CDC6: variants seen among roughly 807,000 people sequenced by gnomAD.
CDC6 encodes DNA replication factor CDC6.
CDC6 carries 46 observed loss-of-function variants against 60.2 expected under a neutral mutation model. The ratio of observed to expected loss-of-function variants is 0.76; its 90% confidence interval spans 0.60 to 0.98. The LOEUF (loss-of-function observed/expected upper bound fraction) is 0.98. CDC6 is among the 50% of genes least tolerant of loss of function. CDC6 has a pLI of 0.00. For missense variants in CDC6, 596 were observed against 652.9 expected, an observed-to-expected ratio of 0.91 and a Z score of 0.95; for synonymous variants, 210 against 233.2, an observed-to-expected ratio of 0.90 and a Z score of 0.90.
rs67162965 is a variant in CDC6, at chr17:40,299,138, CTT to C, written c.1250-1663_1250-1662del. Reference sequence around the variant, plus strand: ...CATCTCCAAACGATAAGGCCATAGTCTTTTTTTTTTTTTTTTTTTTTTTTTTT... The same window carrying C: ...CATCTCCAAACGATAAGGCCATAGTCTTTTTTTTTTTTTTTTTTTTTTTTT... On this transcript the variant is annotated intron_variant, in intron 9 of 11. Transcript: ENST00000209728. Among the ~76,000 whole-genome samples, 130 of 60,752 alleles carry C rather than the reference CTT, an allele frequency of 2.1e-3. 1 individual carries two copies. Among genetic ancestry groups the C allele is most frequent in the African/African-American group, 8.6e-3 (111 of 12,976 alleles). The allele number at this position is 60,752 out of a possible 152,430, so 39.9% of individuals were successfully genotyped here. A position where few individuals can be genotyped will look rare whatever the true frequency, so the allele number is the denominator to read the frequency against.
chr17:40,292,983 A>G lies in CDC6; in HGVS notation c.661-473A>G, dbSNP rs537435720. Among the ~76,000 whole-genome samples the G allele has an allele frequency of 9.9e-5, 15 of 152,112 alleles. No individual in the cohort carries two copies. The East Asian group carries it at 2.5e-3, about 26-fold the overall frequency. ...GCCTGGTGCGGTGGCTCACACCTGTAATTCCAACACTTTGGGAGGCTGAGG... is the reference window on the plus strand; with the variant it reads ...GCCTGGTGCGGTGGCTCACACCTGTGATTCCAACACTTTGGGAGGCTGAGG... On this transcript the variant is annotated intron_variant, in intron 4 of 11. Coordinates refer to ENST00000209728, the MANE Select transcript of CDC6 (RefSeq NM_001254.4).
Position 40,303,148 on chromosome 17 carries a change from GTGGCATTAAA to G in CDC6, c.*1153_*1162del, listed in dbSNP as rs2032962769. ...TCAAGAGCCTTCTGGGTTTGGTTTG[GTGGCATTAAA>G]TGGCAATTTGTGACTGAGACACCAG... On this transcript the variant is annotated 3_prime_UTR_variant, in exon 12 of 12. Coordinates refer to ENST00000209728, the MANE Select transcript of CDC6 (RefSeq NM_001254.4). 1 of 152,252 alleles carries G rather than the reference GTGGCATTAAA, an allele frequency of 6.6e-6. No individual in the cohort carries two copies. The highest frequency in any genetic ancestry group is 2.1e-4 in the South Asian group (1 of 4,820). The allele number at this position is 152,252 out of a possible 1,614,324, so 9.4% of individuals were successfully genotyped here. A position where few individuals can be genotyped will look rare whatever the true frequency, so the allele number is the denominator to read the frequency against.
intron 9 of CDC6, 55 bp from the exon 10 acceptor site, chr17:40,300,773 T>TAC (rs900621628): frequency 7.7e-7 from 1 of 1,305,794 alleles, no homozygotes; most frequent in South Asian, 1.2e-5. Flanking sequence ...TCATCATACA[T>TAC]ACACACACAC....
rs867282909 is a variant in CDC6 at position 40,291,663 on chromosome 17, C to T, written c.655C>T (p.Leu219Phe). The T allele has an allele frequency of 1.9e-6, 3 of 1,613,662 alleles. No individual in the cohort carries two copies. Among genetic ancestry groups the T allele is most frequent in the Middle Eastern group, 3.3e-4 (2 of 6,060 alleles). Residue 219 changes from leucine to phenylalanine, a missense_variant, in exon 4 of 12, where the codon CTC (leucine) becomes TTC (phenylalanine). Leu to Phe is a conservative substitution (Grantham distance 22, BLOSUM62 0). Coordinates refer to ENST00000209728, the MANE Select transcript of CDC6 (RefSeq NM_001254.4). ...CTGCTTAAGCCGGATTCTGCAAGAC[C>T]TCAAGGTACATTGAGAGTCTGAATT... ...TACLSRILQD[L>F]KKELKGFKTI...
Position 40,302,126 on chromosome 17 carries a change from A to G in CDC6, c.*125A>G. Reference sequence around the variant, plus strand: ...GACCTTTTTTACTTGAAGCCAATGAATTTTAATCTATAGATTCTTTAATAT... The same window carrying G: ...GACCTTTTTTACTTGAAGCCAATGAGTTTTAATCTATAGATTCTTTAATAT... On this transcript the variant is annotated 3_prime_UTR_variant, in exon 12 of 12. Coordinates refer to ENST00000209728, the MANE Select transcript of CDC6 (RefSeq NM_001254.4). 1 of 741,096 alleles carries G rather than the reference A, an allele frequency of 1.3e-6. No individual in the cohort carries two copies. Among genetic ancestry groups the G allele is most frequent in the Non-Finnish European group, 2.5e-6 (1 of 404,094 alleles). The allele number at this position is 741,096 out of a possible 1,614,324, so 45.9% of individuals were successfully genotyped here. A position where few individuals can be genotyped will look rare whatever the true frequency, so the allele number is the denominator to read the frequency against.
rs1181506744 is a variant in CDC6 at position 40,293,640 on chromosome 17, T to C, written c.836+9T>C. ...GAGAAGGGCCCCATGATGTAAGTAT[T>C]GTTCTGCTTCATGTTGCTCTGTGAA... On this transcript the variant is annotated intron_variant, in intron 5 of 11. Transcript: ENST00000209728. The C allele has an allele frequency of 1.9e-6, 3 of 1,602,758 alleles. No individual in the cohort carries two copies. Among genetic ancestry groups the C allele is most frequent in the South Asian group, 1.1e-5 (1 of 90,834 alleles).
intron 9 of CDC6, 43 bp from the exon 10 acceptor site, chr17:40,300,785 G>A (rs2032928408): frequency 3.5e-6 from 5 of 1,424,496 alleles, no homozygotes; most frequent in East Asian, 2.3e-5. Context: ...CACACACACA[G>A]TATTTTAGAA....
At position 40,303,018 on chromosome 17, in the gene CDC6, C is replaced by G. The variant is rs2032961572; in HGVS notation, c.*1017C>G. On this transcript the variant is annotated 3_prime_UTR_variant, in exon 12 of 12. Coordinates refer to ENST00000209728, the MANE Select transcript of CDC6 (RefSeq NM_001254.4). ...AGGCTGTCCCACAGTCTTTGCTGCC[C>G]TTAGATGAAGCCACTTGTTTCAAGA... 6.6e-6 allele frequency: 1 copy of G among 152,208 alleles called. No individual in the cohort carries two copies. The allele number at this position is 152,208 out of a possible 1,614,324, so 9.4% of individuals were successfully genotyped here.
rs74744746 is a variant in CDC6, at chr17:40,290,122, A to G, written c.178+524A>G. ...TACTGAGGTCACTCTGAACTACTTA[A>G]TAAGTCTGATCTTCAATTCCTTAAT... On this transcript the variant is annotated intron_variant, in intron 2 of 11. Transcript: ENST00000209728. Among the ~76,000 whole-genome samples the G allele has an allele frequency of 2.8e-3, 422 of 152,302 alleles. 2 individuals are homozygous for G. The highest frequency in any genetic ancestry group is 9.7e-3 in the African/African-American group (404 of 41,552).
intron 9 of CDC6, among the ~76,000 whole-genome samples, chr17:40,298,072 C>G (rs774231910): frequency 8.5e-5 from 13 of 152,112 alleles, no homozygotes; most frequent in Non-Finnish European, 1.5e-4. Context: ...TTGTTTCTGG[C>G]ATTATAGTTC....
At chr17:40,289,660 A>T in intron 2 of CDC6, 62 bp downstream of exon 2, 43 of 987,954 alleles carry the variant, frequency 4.4e-5, no homozygotes, top group African/African-American at 5.1e-5. Flanking sequence ...TCTTGGTAAG[A>T]TGTGTGTCCT....
At chr17:40,289,344 T>G in intron 1 of CDC6, 64 bp from the exon 2 acceptor site, 2 of 1,223,596 alleles carry the variant, frequency 1.6e-6, no homozygotes, top group Non-Finnish European at 2.4e-6. Context: ...ATAAATTCCA[T>G]GTTAGTTATT....
chr17:40,291,332 G>T lies in CDC6; in HGVS notation c.453G>T (p.Lys151Asn). The T allele has an allele frequency of 6.2e-7, 1 of 1,614,178 alleles. No individual in the cohort carries two copies. Among genetic ancestry groups the T allele is most frequent in the Non-Finnish European group, 8.5e-7 (1 of 1,180,028 alleles). Residue 151 changes from lysine to asparagine, a missense_variant, in exon 3 of 12, where the codon AAG becomes AAT. By Grantham distance (94) the Lys-to-Asn change is moderately conservative. Coordinates refer to ENST00000209728, the MANE Select transcript of CDC6 (RefSeq NM_001254.4). ...AATCTGCATGTGTGAGACTATTCAA[G>T]CAAGAAGGTTTGTTCTTACATGGCA... ...KKESACVRLF[K>N]QEGTCYQQAK...
At chr17:40,296,611 G>A in intron 8 of CDC6, 92 bp from the exon 9 acceptor site, 2 of 755,804 alleles carry the variant, frequency 2.6e-6, no homozygotes, top group Non-Finnish European at 4.8e-6. Flanking sequence ...CAGTCTTTGA[G>A]CAATGGTCAT....
intron 4 of CDC6, 116 bp downstream of exon 4, chr17:40,291,784 C>T (rs936798183): frequency 2.3e-5 from 25 of 1,100,460 alleles, no homozygotes; most frequent in African/African-American, 4.6e-5. Context: ...CTCGCTCTGT[C>T]GCCTAGGCTG....
intron 9 of CDC6, among the ~76,000 whole-genome samples, chr17:40,300,566 T>C (rs964388550): frequency 2.6e-5 from 4 of 152,160 alleles, no homozygotes; most frequent in Non-Finnish European, 5.9e-5. Flanking sequence ...TTACATTCCA[T>C]AGGACAAAAC....
chr17:40,301,497 C>T lies in CDC6; in HGVS notation c.1482C>T (p.Arg494=). 1 of 1,613,948 alleles carries T rather than the reference C, an allele frequency of 6.2e-7. No individual in the cohort carries two copies. The highest frequency in any genetic ancestry group is 8.5e-7 in the Non-Finnish European group (1 of 1,179,824). The change falls in exon 11 of 12, where the codon CGC becomes CGT. Residue 494 remains arginine, a synonymous_variant. Coordinates refer to ENST00000209728, the MANE Select transcript of CDC6 (RefSeq NM_001254.4). ...ATGAAGCCTACAGTAAAGTCTGTCG[C>T]AAACAGCAGGTGGCGGCTGTGGACC... The part of the protein sequence containing the change: ...KLYEAYSKVC[R]KQQVAAVDQS...
chr17:40,302,017 C>T lies in CDC6; in HGVS notation c.*16C>T. The T allele has an allele frequency of 7.2e-7, 1 of 1,397,682 alleles. No individual in the cohort carries two copies. Among genetic ancestry groups the T allele is most frequent in the Non-Finnish European group, 1.0e-6 (1 of 982,560 alleles). 86.6% of individuals were successfully genotyped at this position (1,397,682 alleles called of 1,614,324 possible). ...ATTGCCTTAAATTCTTCTCTTACAC[C>T]CCACCCGAAAGTATTCAGCTGGCAT... On this transcript the variant is annotated 3_prime_UTR_variant, in exon 12 of 12. Coordinates refer to ENST00000209728, the MANE Select transcript of CDC6 (RefSeq NM_001254.4).
chr17:40,302,241 A>G lies in CDC6; in HGVS notation c.*240A>G. 3.8e-6 allele frequency: 2 copies of G among 521,702 alleles called. No individual in the cohort carries two copies. The highest frequency in any genetic ancestry group is 6.9e-6 in the Non-Finnish European group (2 of 290,524). The allele number at this position is 521,702 out of a possible 1,614,324, so 32.3% of individuals were successfully genotyped here. A position where few individuals can be genotyped will look rare whatever the true frequency, so the allele number is the denominator to read the frequency against. Reference sequence around the variant, plus strand: ...TTTAATTACATTCACTACTTCTACCACTTGTGTATCTCTAGCCAATGTGCT... The same window carrying G: ...TTTAATTACATTCACTACTTCTACCGCTTGTGTATCTCTAGCCAATGTGCT... On this transcript the variant is annotated 3_prime_UTR_variant, in exon 12 of 12. Coordinates refer to ENST00000209728, the MANE Select transcript of CDC6 (RefSeq NM_001254.4).
Sources: allele counts gnomAD v4.1 joint callset (sites outside exome capture counted in the v4.1 genomes callset), GRCh38; gene constraint gnomAD v4.1.1; transcripts MANE v1.5; gene names NCBI Gene and HGNC (gene_info 2026-07-23, HGNC 2026-07-21).